BMP6: variants seen among roughly 807,000 people sequenced by gnomAD.
BMP6 encodes the protein bone morphogenetic protein 6, also known as VG-1-R.
A neutral mutation model predicts 54.1 loss-of-function variants in BMP6; 17 were observed. That is an observed-to-expected ratio of 0.31 (90% confidence interval 0.22 to 0.47). The LOEUF (loss-of-function observed/expected upper bound fraction) is 0.47, where lower values mean the gene tolerates loss of function less well. BMP6 is among the 20% of genes least tolerant of loss of function. The pLI is 1.00. For synonymous variants in BMP6, 328 were observed against 291.2 expected, an observed-to-expected ratio of 1.13 and a Z score of -1.28; for missense variants, 720 against 690.4, an observed-to-expected ratio of 1.04 and a Z score of -0.48.
intron 1 of BMP6, among the ~76,000 whole-genome samples, chr6:7,731,578 A>C (rs1410153063): frequency 6.6e-6 from 1 of 152,242 alleles, no homozygotes; most frequent in Admixed American, 6.5e-5. Context: ...TGCTGACCAC[A>C]TGGAAGATGC....
chr6:7,869,929 C>T (rs562165297), intron 4 of BMP6, among the ~76,000 whole-genome samples: 6 of 152,172 alleles, frequency 3.9e-5, no homozygotes, highest in Non-Finnish European at 8.8e-5. Flanking sequence ...GTGCTGGGAG[C>T]TGCAGCATGT....
intron 1 of BMP6, among the ~76,000 whole-genome samples, chr6:7,803,296 T>C (rs539902941): frequency 6.6e-6 from 1 of 152,202 alleles, no homozygotes; most frequent in South Asian, 2.1e-4. Flanking sequence ...TTGAGAGTTT[T>C]AGCTTCCTTG....
In BMP6 at chr6:7,862,384, A is replaced by G. The variant is rs1759348827; in HGVS notation, c.1090A>G (p.Lys364Glu). 3 of 1,614,066 alleles carry G rather than the reference A, an allele frequency of 1.9e-6. 1 individual carries two copies. The African/African-American group carries it at 4.0e-5, about 22-fold the overall frequency. ...GCAGCCCTTCATGGTGGCTTTCTTCAAAGTGAGTGAGGTGCACGTGCGCAC... is the reference window on the plus strand; with the variant it reads ...GCAGCCCTTCATGGTGGCTTTCTTCGAAGTGAGTGAGGTGCACGTGCGCAC... ...DKQPFMVAFF[K>E]VSEVHVRTTR... Residue 364 changes from lysine to glutamate, a missense_variant, in exon 4 of 7, where the codon AAA (lysine) becomes GAA (glutamate). Physicochemically the swap from Lys to Glu is moderately conservative, Grantham distance 56 (BLOSUM62 1). Coordinates refer to ENST00000283147, the MANE Select transcript of BMP6 (RefSeq NM_001718.6).
intron 2 of BMP6, among the ~76,000 whole-genome samples, chr6:7,858,701 G>A (rs1460715529): frequency 6.6e-6 from 1 of 151,532 alleles, no homozygotes; most frequent in Non-Finnish European, 1.5e-5. Context: ...GAGGAATAAA[G>A]GCTGTTGACA....
intron 1 of BMP6, among the ~76,000 whole-genome samples, chr6:7,775,080 A>G (rs1757843831): frequency 6.6e-6 from 1 of 152,212 alleles, no homozygotes; most frequent in African/African-American, 2.4e-5. Context: ...TCATGAAGGC[A>G]GATCCCTCGT....
intron 4 of BMP6, among the ~76,000 whole-genome samples, chr6:7,878,708 C>T (rs770002595): frequency 3.3e-5 from 5 of 152,238 alleles, no homozygotes; most frequent in Non-Finnish European, 4.4e-5. Context: ...TGCCTAGTAG[C>T]GTTGTCTGAT....
rs1277672897 is a variant in BMP6 at position 7,727,211 on chromosome 6, G to C, written c.256G>C (p.Val86Leu). ...KREMQKEILSVLGLPHRPRPL... is the reference protein window; with the variant it reads ...KREMQKEILSLLGLPHRPRPL... Reference sequence around the variant, plus strand: ...GGAGATGCAGAAGGAGATCTTGTCGGTGCTGGGGCTCCCGCACCGGCCCCG... The same window carrying C: ...GGAGATGCAGAAGGAGATCTTGTCGCTGCTGGGGCTCCCGCACCGGCCCCG... Residue 86 changes from valine to leucine, a missense_variant, in exon 1 of 7, where the codon GTG becomes CTG. Coordinates refer to ENST00000283147, the MANE Select transcript of BMP6 (RefSeq NM_001718.6). The C allele has an allele frequency of 1.2e-6, 2 of 1,605,420 alleles. No homozygotes were observed. Among genetic ancestry groups the C allele is most frequent in the Non-Finnish European group, 1.7e-6 (2 of 1,176,766 alleles).
chr6:7,827,664 G>A (rs865864334), intron 1 of BMP6, among the ~76,000 whole-genome samples: 6 of 152,368 alleles, frequency 3.9e-5, no homozygotes, highest in African/African-American at 1.2e-4. Flanking sequence ...AAGTGGAGAT[G>A]AAGAACTGTG....
intron 2 of BMP6, among the ~76,000 whole-genome samples, chr6:7,846,282 C>T (rs1759062622): frequency 6.6e-6 from 1 of 152,154 alleles, no homozygotes; most frequent in Non-Finnish European, 1.5e-5. Flanking sequence ...GTTTTATAAA[C>T]CAAGTCCAGG....
chr6:7,755,701 A>G (rs945426561), intron 1 of BMP6, among the ~76,000 whole-genome samples: 3 of 151,898 alleles, frequency 2.0e-5, no homozygotes, highest in African/African-American at 7.3e-5. Context: ...TGCTTGAAGA[A>G]CTTCTGTTAA....
At chr6:7,872,867 T>G (rs944780691) in intron 4 of BMP6, among the ~76,000 whole-genome samples, 1 of 150,056 alleles carries the variant, frequency 6.7e-6, no homozygotes, top group Non-Finnish European at 1.5e-5. Flanking sequence ...GGCTGGAGTA[T>G]GGTGGCATAA....
In BMP6 at chr6:7,880,421, C is replaced by G. The variant is rs918278487; in HGVS notation, c.*78C>G. The G allele has an allele frequency of 1.8e-5, 28 of 1,574,452 alleles. No homozygotes were observed. Among genetic ancestry groups the G allele is most frequent in the Non-Finnish European group, 2.3e-5 (26 of 1,149,998 alleles). ...TCTGCCTTAAAAAAACACGGAAGCA[C>G]AGTTGGAGGTGGGACGATGAGACTT... On this transcript the variant is annotated 3_prime_UTR_variant, in exon 7 of 7. Coordinates refer to ENST00000283147, the MANE Select transcript of BMP6 (RefSeq NM_001718.6).
chr6:7,829,507 C>G (rs917730147), intron 1 of BMP6, among the ~76,000 whole-genome samples: 1 of 152,090 alleles, frequency 6.6e-6, no homozygotes, highest in African/African-American at 2.4e-5. Flanking sequence ...AGTTCAAGAC[C>G]AGCCTAGGCA....
At chr6:7,834,382 GAACAGGCACC>G (rs2113239894) in intron 1 of BMP6, among the ~76,000 whole-genome samples, 1 of 152,090 alleles carries the variant, frequency 6.6e-6, no homozygotes, top group South Asian at 2.1e-4. Flanking sequence ...ACATATTGGA[GAACAGGCACC>G]AAGTTAGAAA....
intron 1 of BMP6, among the ~76,000 whole-genome samples, chr6:7,843,517 A>T (rs1227737250): frequency 2.0e-5 from 3 of 151,760 alleles, no homozygotes; most frequent in Non-Finnish European, 4.4e-5. Context: ...TGTGTAAGAG[A>T]AAGTGGGAAG....
chr6:7,864,447 T>G (rs1759386042), intron 4 of BMP6, among the ~76,000 whole-genome samples: 1 of 152,184 alleles, frequency 6.6e-6, no homozygotes, highest in African/African-American at 2.4e-5. Context: ...TTGTAGGAAG[T>G]AGGTTCTCAG....
chr6:7,757,526 T>A (rs1757537719), intron 1 of BMP6, among the ~76,000 whole-genome samples: 1 of 152,190 alleles, frequency 6.6e-6, no homozygotes, highest in Non-Finnish European at 1.5e-5. Context: ...TCATCTTAAT[T>A]ATATCAACAA....
intron 2 of BMP6, among the ~76,000 whole-genome samples, chr6:7,849,939 A>C (rs565594567): frequency 5.1e-4 from 77 of 152,274 alleles, no homozygotes; most frequent in Non-Finnish European, 9.9e-4. Context: ...AGAATTACCA[A>C]ATTTAAAATT....
chr6:7,828,017 A>G (rs555894433), intron 1 of BMP6, among the ~76,000 whole-genome samples: 32 of 152,080 alleles, frequency 2.1e-4, no homozygotes, highest in African/African-American at 7.0e-4. Context: ...ATAAGGCACT[A>G]TTTTTCCCAC....
Sources: allele counts gnomAD v4.1 joint callset (sites outside exome capture counted in the v4.1 genomes callset), GRCh38; gene constraint gnomAD v4.1.1; transcripts MANE v1.5; gene names NCBI Gene and HGNC (gene_info 2026-07-23, HGNC 2026-07-21).